Variants in FNDC1 observed in about 807,000 individuals in gnomAD.
FNDC1 encodes the protein fibronectin type III domain-containing protein 1.
A neutral mutation model predicts 168.0 loss-of-function variants in FNDC1; 96 were observed. That is an observed-to-expected ratio of 0.57 (90% confidence interval 0.48 to 0.68). The LOEUF (loss-of-function observed/expected upper bound fraction) is 0.68. Among genes scored for constraint, FNDC1 ranks in the 30% least tolerant of loss-of-function variants. The pLI, the probability that FNDC1 is intolerant of heterozygous loss-of-function variation, is 0.00. For synonymous variants in FNDC1, 1,099 were observed against 1,025.9 expected, an observed-to-expected ratio of 1.07 and a Z score of -1.36; for missense variants, 2,587 against 2,482.1, an observed-to-expected ratio of 1.04 and a Z score of -0.90.
intron 1 of FNDC1, among the ~76,000 whole-genome samples, chr6:159,187,180 G>A (rs1199216237): frequency 5.9e-5 from 9 of 152,146 alleles, no homozygotes; most frequent in South Asian, 2.1e-4. Flanking sequence ...ATAACAGGGC[G>A]CTTTGGGGCC....
intron 1 of FNDC1, among the ~76,000 whole-genome samples, chr6:159,170,366 C>T (rs990800079): frequency 1.3e-5 from 2 of 152,202 alleles, no homozygotes; most frequent in East Asian, 1.9e-4. Context: ...ACTCGCCCTT[C>T]CCCAATGGCT....
intron 1 of FNDC1, among the ~76,000 whole-genome samples, chr6:159,170,780 G>A (rs752168426): frequency 1.1e-4 from 17 of 152,162 alleles, no homozygotes; most frequent in Non-Finnish European, 2.2e-4. Context: ...GTATTCTGAT[G>A]CCAATGCCAC....
At chr6:159,210,766 G>C (rs779361911) in intron 4 of FNDC1, among the ~76,000 whole-genome samples, 20 of 152,194 alleles carry the variant, frequency 1.3e-4, no homozygotes, top group Non-Finnish European at 2.8e-4. Context: ...AGGGAGTTCA[G>C]ATGCAGAGTA....
At chr6:159,245,772 G>A (rs1425162204) in intron 14 of FNDC1, among the ~76,000 whole-genome samples, 82 of 2,404 alleles carry the variant, frequency 0.034, 29 homozygotes, top group African/African-American at 0.084. Flanking sequence ...TTTTTGAGAC[G>A]GAGTCTCACT....
chr6:159,247,433 T>A (rs1456069882), intron 15 of FNDC1, among the ~76,000 whole-genome samples: 1 of 152,212 alleles, frequency 6.6e-6, no homozygotes, highest in African/African-American at 2.4e-5. Context: ...TCATAGAATC[T>A]TTTCAAGGGT....
In FNDC1 at chr6:159,197,618, G is replaced by A. The variant is rs1782277357; in HGVS notation, c.297G>A (p.Glu99=). ...CGGAGACATACTCCTTCCTTATTGA[G>A]GATGTGGGTAAGTGACACTCTGATC... ...VNAETYSFLI[E]DVEPGVVYFV... The change falls in exon 2 of 23, where the codon GAG becomes GAA. Residue 99 remains glutamate, a synonymous_variant. Coordinates refer to ENST00000297267, the MANE Select transcript of FNDC1 (RefSeq NM_032532.3). 6 of 1,610,830 alleles carry A rather than the reference G, an allele frequency of 3.7e-6. No individual in the cohort carries two copies. In the East Asian group the frequency reaches 1.3e-4, roughly 36 times the overall value.
chr6:159,236,852 A>T (rs763041848), intron 12 of FNDC1, among the ~76,000 whole-genome samples: 3 of 152,234 alleles, frequency 2.0e-5, no homozygotes, highest in Admixed American at 6.5e-5. Context: ...ATTATGTATT[A>T]GTATTTCATG....
At chr6:159,200,110 T>C (rs1782343785) in intron 3 of FNDC1, 28 bp downstream of exon 3, 1 of 1,500,740 alleles carries the variant, frequency 6.7e-7, no homozygotes, top group Non-Finnish European at 9.1e-7. Context: ...TCAGAGGCTG[T>C]AGTGTTGTTA....
chr6:159,250,079 A>T (rs1175488763), intron 16 of FNDC1, among the ~76,000 whole-genome samples: 2 of 152,214 alleles, frequency 1.3e-5, no homozygotes, highest in Non-Finnish European at 2.9e-5. Flanking sequence ...CATGACGGGA[A>T]TTGAAATGCT....
chr6:159,198,945 C>G (rs1782312653), intron 2 of FNDC1, among the ~76,000 whole-genome samples: 1 of 152,246 alleles, frequency 6.6e-6, no homozygotes, highest in African/African-American at 2.4e-5. Flanking sequence ...AGAAGTCACA[C>G]CAGTCTTGAT....
intron 1 of FNDC1, among the ~76,000 whole-genome samples, chr6:159,173,537 T>C (rs537419417): frequency 1.3e-5 from 2 of 152,212 alleles, no homozygotes; most frequent in Non-Finnish European, 2.9e-5. Flanking sequence ...GATTGCAGAG[T>C]GACAATTTGC....
At chr6:159,248,894 C>T in intron 15 of FNDC1, 145 bp from the exon 16 acceptor site, 1 of 639,648 alleles carries the variant, frequency 1.6e-6, no homozygotes, top group Non-Finnish European at 2.5e-6. Context: ...TTGGGCATAG[C>T]ATTTATTTTA....
chr6:159,206,343 A>G (rs1782486465), intron 4 of FNDC1, among the ~76,000 whole-genome samples: 1 of 152,218 alleles, frequency 6.6e-6, no homozygotes, highest in Non-Finnish European at 1.5e-5. Flanking sequence ...TTTCTCATGC[A>G]GTTATTAGTT....
At chr6:159,208,353 C>A (rs913120123) in intron 4 of FNDC1, among the ~76,000 whole-genome samples, 7 of 152,322 alleles carry the variant, frequency 4.6e-5, no homozygotes, top group African/African-American at 1.7e-4. Flanking sequence ...CACAGAGACT[C>A]TAGCCTTGCC....
chr6:159,185,169 T>C (rs564334366), intron 1 of FNDC1, among the ~76,000 whole-genome samples: 3 of 152,166 alleles, frequency 2.0e-5, no homozygotes, highest in Admixed American at 6.5e-5. Context: ...ATCCTAATGA[T>C]TGAATTCAGC....
At position 159,169,576 on chromosome 6, in the gene FNDC1, C is replaced by T. The variant is rs1381326469; in HGVS notation, c.-21C>T. 3.0e-6 allele frequency: 3 copies of T among 1,013,912 alleles called. No homozygotes were observed. The highest frequency in any genetic ancestry group is 3.6e-6 in the Non-Finnish European group (3 of 828,410). The allele number at this position is 1,013,912 out of a possible 1,614,324, so 62.8% of individuals were successfully genotyped here. On this transcript the variant is annotated 5_prime_UTR_variant, in exon 1 of 23. Coordinates refer to ENST00000297267, the MANE Select transcript of FNDC1 (RefSeq NM_032532.3). This position sits in a 1 kb window ranked among gnomAD's most constrained non-coding sequence, Gnocchi z 6.8. ...CCCTGCCAGCCGCAAGCACCCAGCC[C>T]CGGCCCACCCCGGGCTCTCGATGGC...
At chr6:159,173,831 A>G (rs753411989) in intron 1 of FNDC1, among the ~76,000 whole-genome samples, 3 of 152,216 alleles carry the variant, frequency 2.0e-5, no homozygotes, top group Non-Finnish European at 2.9e-5. Context: ...ATCTATTTCC[A>G]TGCTCTTTTT....
chr6:159,190,454 C>T (rs1208793777), intron 1 of FNDC1, among the ~76,000 whole-genome samples: 1 of 152,206 alleles, frequency 6.6e-6, no homozygotes, highest in Non-Finnish European at 1.5e-5. Flanking sequence ...CCATTTGGCT[C>T]CACTCCCACG....
intron 22 of FNDC1, among the ~76,000 whole-genome samples, chr6:159,269,995 G>C (rs1433084516): frequency 6.6e-6 from 1 of 152,148 alleles, no homozygotes; most frequent in African/African-American, 2.4e-5. Flanking sequence ...TTTGAGACCA[G>C]CCTAGGCAAC....
Sources: gnomAD v4.1 joint callset for allele counts (sites outside exome capture counted in the v4.1 genomes callset) on GRCh38, gnomAD v4.1.1 for gene constraint, Gnocchi (gnomAD v3.1) non-coding constraint, MANE v1.5 for transcripts, NCBI Gene and HGNC (gene_info 2026-07-23, HGNC 2026-07-21) for gene names.